Variants in BACE2 observed in about 807,000 individuals in gnomAD.
The protein encoded by BACE2 is 56 kDa aspartic-like protease.
A neutral mutation model predicts 46.2 loss-of-function variants in BACE2; 17 were observed. That is an observed-to-expected ratio of 0.37 (90% CI 0.25 to 0.55). The LOEUF (loss-of-function observed/expected upper bound fraction) is 0.55. BACE2 is among the 20% of genes least tolerant of loss of function. The pLI is 0.82. For missense variants in BACE2, 595 were observed against 698.1 expected, an observed-to-expected ratio of 0.85 and a Z score of 1.66; for synonymous variants, 277 against 295.9, an observed-to-expected ratio of 0.94 and a Z score of 0.66.
chr21:41,219,894 C>T (rs1039176507), intron 1 of BACE2, among the ~76,000 whole-genome samples: 1 of 152,186 alleles, frequency 6.6e-6, no homozygotes, highest in East Asian at 1.9e-4. Flanking sequence ...ACACCAGCTG[C>T]GTATCCTCTA....
At position 41,218,154 on chromosome 21, in the gene BACE2, G is replaced by A. The variant is rs143451296; in HGVS notation, c.313-8112G>A. Among the ~76,000 whole-genome samples the A allele has an allele frequency of 2.7e-3, 405 of 152,268 alleles. 2 individuals are homozygous for A. The highest frequency in any genetic ancestry group is 9.4e-3 in the African/African-American group (389 of 41,540). On this transcript the variant is annotated intron_variant, in intron 1 of 8. Coordinates refer to ENST00000330333, the MANE Select transcript of BACE2 (RefSeq NM_012105.5). ...AGATATGTCAGTAAAACTACAGAAC[G>A]ATGGTTCTAATATAAACAATACAAC...
chr21:41,217,672 C>T (rs1361428417), intron 1 of BACE2, among the ~76,000 whole-genome samples: 16 of 152,240 alleles, frequency 1.1e-4, no homozygotes, highest in Admixed American at 7.9e-4. Flanking sequence ...GTTTAGGTCC[C>T]GGCCCTTGCT....
In BACE2 at chr21:41,168,950, A is replaced by G. The variant is rs552790423; in HGVS notation, c.312+375A>G. Among the ~76,000 whole-genome samples, 3 of 150,670 alleles carry G rather than the reference A, an allele frequency of 2.0e-5. No homozygotes were observed. The South Asian group carries it at 6.3e-4, about 32-fold the overall frequency. On this transcript the variant is annotated intron_variant, in intron 1 of 8. Transcript: ENST00000330333. ...AGCGGTGGGCCTTGGGCGACGGGCT[A>G]TTATGGGGAAAATCACCTCGTGTTC...
At chr21:41,176,341 G>C (rs990911601) in intron 1 of BACE2, 1 of 152,158 alleles carries the variant, frequency 6.6e-6, no homozygotes, top group Admixed American at 6.5e-5. Context: ...ACCAGCTGCC[G>C]ATGGTTCCTG....
chr21:41,241,671 A>G, intron 3 of BACE2, 148 bp from the exon 4 acceptor site: 1 of 845,536 alleles, frequency 1.2e-6, no homozygotes, highest in Non-Finnish European at 1.8e-6. Flanking sequence ...GAATTCCTAG[A>G]CCCAATCACA....
At chr21:41,195,284 G>A (rs532581058) in intron 1 of BACE2, among the ~76,000 whole-genome samples, 1 of 152,348 alleles carries the variant, frequency 6.6e-6, no homozygotes, top group East Asian at 1.9e-4. Flanking sequence ...GGGTTAGACT[G>A]TCAGGTGGTA....
intron 1 of BACE2, among the ~76,000 whole-genome samples, chr21:41,217,926 G>C (rs2041744831): frequency 6.6e-6 from 1 of 152,144 alleles, no homozygotes; most frequent in South Asian, 2.1e-4. Flanking sequence ...AGACAAGAAG[G>C]GCCCTCCCCT....
intron 1 of BACE2, among the ~76,000 whole-genome samples, chr21:41,174,700 G>C (rs1984743572): frequency 6.6e-6 from 1 of 152,166 alleles, no homozygotes; most frequent in African/African-American, 2.4e-5. Flanking sequence ...CAGGAACGGG[G>C]TGGTGGTCCT....
intron 1 of BACE2, among the ~76,000 whole-genome samples, chr21:41,199,853 A>C (rs1985893081): frequency 6.6e-6 from 1 of 152,068 alleles, no homozygotes. Context: ...CACCTCCAAA[A>C]ATAGCCCTTC....
At chr21:41,187,539 A>G (rs1310969417) in intron 1 of BACE2, among the ~76,000 whole-genome samples, 1 of 152,266 alleles carries the variant, frequency 6.6e-6, no homozygotes, top group Non-Finnish European at 1.5e-5. Flanking sequence ...ATCACAAAAC[A>G]GAGTTTTAAA....
At chr21:41,213,806 G>A (rs1986372794) in intron 1 of BACE2, among the ~76,000 whole-genome samples, 1 of 152,044 alleles carries the variant, frequency 6.6e-6, no homozygotes, top group Admixed American at 6.6e-5. Context: ...GTCTGGGCAG[G>A]GCCCGGCATG....
intron 1 of BACE2, among the ~76,000 whole-genome samples, chr21:41,219,754 C>G (rs1011161150): frequency 6.6e-6 from 1 of 152,194 alleles, no homozygotes; most frequent in African/African-American, 2.4e-5. Context: ...GCTTGGTGTC[C>G]TCTAAGTGGA....
At chr21:41,221,063 C>A (rs948677232) in intron 1 of BACE2, among the ~76,000 whole-genome samples, 18 of 135,814 alleles carry the variant, frequency 1.3e-4, no homozygotes, top group African/African-American at 4.8e-4. Context: ...AAAAAAAAAA[C>A]AGTAGAGTGC....
rs537021579 is a variant in BACE2, at chr21:41,225,080, A to C, written c.313-1186A>C. ...AAACCCCGTCTCTACTAAAATTACA[A>C]AAAACTATCCGGGCTCGGTGGCGGG... On this transcript the variant is annotated intron_variant, in intron 1 of 8. Coordinates refer to ENST00000330333, the MANE Select transcript of BACE2 (RefSeq NM_012105.5). 3.3e-5 allele frequency among the ~76,000 whole-genome samples: 5 copies of C among 152,094 alleles called. No homozygotes were observed. The South Asian group carries it at 6.2e-4, about 19-fold the overall frequency.
intron 1 of BACE2, among the ~76,000 whole-genome samples, chr21:41,188,902 T>A (rs946969423): frequency 1.3e-5 from 2 of 152,228 alleles, no homozygotes; most frequent in Non-Finnish European, 2.9e-5. Flanking sequence ...GCACAGCCAA[T>A]GGCACATTGG....
intron 3 of BACE2, among the ~76,000 whole-genome samples, chr21:41,240,591 C>T (rs1195558546): frequency 6.6e-6 from 1 of 152,200 alleles, no homozygotes; most frequent in Non-Finnish European, 1.5e-5. Flanking sequence ...TGTCTCCCAT[C>T]GTGTTTGCTT....
intron 8 of BACE2, among the ~76,000 whole-genome samples, chr21:41,266,952 GT>G: frequency 9.3e-6 from 1 of 108,022 alleles, no homozygotes; most frequent in East Asian, 2.0e-4. Context: ...GTGTTTGTGT[GT>G]GTGTGTGTGT....
chr21:41,239,024 C>T (rs1987214153), intron 3 of BACE2, among the ~76,000 whole-genome samples: 1 of 150,782 alleles, frequency 6.6e-6, no homozygotes, highest in Non-Finnish European at 1.5e-5. Context: ...TACCTGGGTA[C>T]CACGCCCTGG....
At chr21:41,208,459 A>C (rs898359889) in intron 1 of BACE2, among the ~76,000 whole-genome samples, 2 of 152,072 alleles carry the variant, frequency 1.3e-5, no homozygotes, top group Non-Finnish European at 2.9e-5. Context: ...CTGGGAAGAG[A>C]GGAGAGAGGA....
Sources: allele counts gnomAD v4.1 joint callset (sites outside exome capture counted in the v4.1 genomes callset), GRCh38; gene constraint gnomAD v4.1.1; transcripts MANE v1.5; gene names NCBI Gene and HGNC (gene_info 2026-07-23, HGNC 2026-07-21).